The following ROBO1 variants were observed in gnomAD, a reference collection of about 807,000 sequenced individuals.
The protein encoded by ROBO1 is roundabout guidance receptor 1, also known as roundabout homolog 1.
A neutral mutation model predicts 195.9 loss-of-function variants in ROBO1; 149 were observed. The observed-to-expected ratio is 0.76, with a 90% confidence interval of 0.67 to 0.87. The LOEUF (loss-of-function observed/expected upper bound fraction) is 0.87. Ranked by LOEUF, ROBO1 falls within the 40% of genes least tolerant of loss-of-function variation. ROBO1 has a pLI of 0.00. For synonymous variants in ROBO1, 816 were observed against 733.2 expected, an observed-to-expected ratio of 1.11 and a Z score of -1.82; for missense variants, 1,933 against 2,068.3, an observed-to-expected ratio of 0.93 and a Z score of 1.27.
chr3:78,980,943 T>C (rs1473593231), intron 3 of ROBO1, among the ~76,000 whole-genome samples: 1 of 152,186 alleles, frequency 6.6e-6, no homozygotes. Flanking sequence ...TCCAAACTGT[T>C]GTTACATTCT....
At chr3:79,455,617 T>C (rs997345514) in intron 2 of ROBO1, among the ~76,000 whole-genome samples, 1 of 152,086 alleles carries the variant, frequency 6.6e-6, no homozygotes, top group African/African-American at 2.4e-5. Flanking sequence ...ATTTTGATTG[T>C]AGATACAGGG....
In ROBO1 at chr3:79,725,223, CTTTTT is replaced by C. The variant is rs35418345; in HGVS notation, c.-51+42524_-51+42528del. Among the ~76,000 whole-genome samples the C allele has an allele frequency of 4.9e-3, 527 of 106,510 alleles. 4 individuals carry two copies. Among genetic ancestry groups the C allele is most frequent in the African/African-American group, 0.018 (499 of 28,072 alleles). The allele number at this position is 106,510 out of a possible 152,430, so 69.9% of individuals were successfully genotyped here. A position where few individuals can be genotyped will look rare whatever the true frequency, so the allele number is the denominator to read the frequency against. ...CCTTATGAGAAACATCTCTCTTCTTCTTTTTTTTTTTTTTTTTTTTTGAGACGGAG... is the reference window on the plus strand; with the variant it reads ...CCTTATGAGAAACATCTCTCTTCTTCTTTTTTTTTTTTTTTTGAGACGGAG... On this transcript the variant is annotated intron_variant, in intron 1 of 30. Coordinates refer to ENST00000464233, the MANE Select transcript of ROBO1 (RefSeq NM_002941.4).
intron 1 of ROBO1, among the ~76,000 whole-genome samples, chr3:79,706,223 TA>T (rs1385586408): frequency 1.3e-5 from 2 of 152,158 alleles, no homozygotes; most frequent in Non-Finnish European, 2.9e-5. Context: ...ATCATTGCTT[TA>T]TTTCTGATCT....
chr3:78,725,829 T>C (rs768103084), intron 5 of ROBO1, among the ~76,000 whole-genome samples: 1 of 152,158 alleles, frequency 6.6e-6, no homozygotes, highest in South Asian at 2.1e-4. Flanking sequence ...CTGAAATCAG[T>C]GCTCACAATC....
intron 2 of ROBO1, among the ~76,000 whole-genome samples, chr3:79,470,708 T>C (rs1449534853): frequency 6.6e-6 from 1 of 151,952 alleles, no homozygotes; most frequent in East Asian, 1.9e-4. Flanking sequence ...GTTTTATAAG[T>C]GGTAAAAGAG....
At position 78,635,764 on chromosome 3, in the gene ROBO1, C is replaced by A. The variant is rs1377247229; in HGVS notation, c.3373+9G>T. On this transcript the variant is annotated intron_variant, in intron 23 of 30. Transcript: ENST00000464233. ...AGAAACAGATGGGAATACATGCAAG[C>A]CTCTTCACCTTTGTTCAGCTTGTTT... 1.9e-6 allele frequency: 3 copies of A among 1,610,936 alleles called. No homozygotes were observed. Among genetic ancestry groups the A allele is most frequent in the South Asian group, 1.1e-5 (1 of 90,926 alleles).
Position 78,651,838 on chromosome 3 carries a change from A to T in ROBO1, c.2706T>A (p.Gly902=), listed in dbSNP as rs756637350. ...DVVKQPAFIA[G]IGAACWIILM... is the part of the protein sequence containing the mutation. The stretch of plus-strand genomic sequence containing the variant: ...GGATGATCCAACAGGCTGCTCCAAT[A>T]CCTGCTATGAAGGCCGGCTGCTTCA... The change falls in exon 19 of 31, where the codon GGT becomes GGA. Residue 902 remains glycine, a synonymous_variant. Coordinates refer to ENST00000464233, the MANE Select transcript of ROBO1 (RefSeq NM_002941.4). The T allele has an allele frequency of 6.2e-6, 10 of 1,613,804 alleles. No homozygotes were observed. Among genetic ancestry groups the T allele is most frequent in the Non-Finnish European group, 7.6e-6 (9 of 1,179,754 alleles).
chr3:79,356,350 T>C (rs2035555071), intron 2 of ROBO1, among the ~76,000 whole-genome samples: 1 of 152,166 alleles, frequency 6.6e-6, no homozygotes, highest in South Asian at 2.1e-4. Context: ...AAATAAAAGA[T>C]TAAAATATTA....
chr3:79,196,481 A>G (rs1386074573), intron 2 of ROBO1, among the ~76,000 whole-genome samples: 1 of 151,678 alleles, frequency 6.6e-6, no homozygotes, highest in African/African-American at 2.4e-5. Flanking sequence ...CATTTTCACA[A>G]TCCAAATTAG....
intron 2 of ROBO1, among the ~76,000 whole-genome samples, chr3:79,505,224 T>C (rs1559949127): frequency 6.6e-6 from 1 of 152,160 alleles, no homozygotes; most frequent in South Asian, 2.1e-4. Context: ...TATTTTTTTT[T>C]TCTTAAATTG....
At chr3:78,884,421 G>C (rs2107289579) in intron 4 of ROBO1, among the ~76,000 whole-genome samples, 1 of 152,070 alleles carries the variant, frequency 6.6e-6, no homozygotes, top group East Asian at 1.9e-4. Context: ...AGACCAGACA[G>C]AGCAACATAG....
chr3:79,027,756 A>G (rs1209169284), intron 3 of ROBO1, among the ~76,000 whole-genome samples: 1 of 152,056 alleles, frequency 6.6e-6, no homozygotes, highest in Admixed American at 6.6e-5. Flanking sequence ...ATCTAATCTC[A>G]TCTTCTCAAT....
At position 79,018,569 on chromosome 3, in the gene ROBO1, A is replaced by G. The variant is rs538439709; in HGVS notation, c.173-79642T>C. 45 of 1,521,114 alleles carry G rather than the reference A, an allele frequency of 3.0e-5. No homozygotes were observed. The East Asian group carries it at 1.1e-3, about 37-fold the overall frequency. 94.2% of individuals were successfully genotyped at this position (1,521,114 alleles called of 1,614,324 possible). ...CCACACACAAAGGCTTAATATAAGC[A>G]ACGTGGGTCAATTAGCCAAGAGTTT... On this transcript the variant is annotated intron_variant, in intron 3 of 30. Transcript: ENST00000464233.
intron 1 of ROBO1, among the ~76,000 whole-genome samples, chr3:79,765,904 G>A (rs981419467): frequency 9.9e-5 from 15 of 151,992 alleles, no homozygotes; most frequent in African/African-American, 3.4e-4. Flanking sequence ...ACCACTACTT[G>A]GAAACAGACA....
chr3:79,699,493 T>C (rs566983276), intron 1 of ROBO1, among the ~76,000 whole-genome samples: 1 of 151,780 alleles, frequency 6.6e-6, no homozygotes, highest in South Asian at 2.1e-4. Context: ...TTTTTATAGA[T>C]AAAGCAACAT....
At chr3:79,363,265 C>A (rs1421509218) in intron 2 of ROBO1, among the ~76,000 whole-genome samples, 2 of 152,106 alleles carry the variant, frequency 1.3e-5, no homozygotes, top group Admixed American at 6.6e-5. Context: ...TGATTTCTTT[C>A]CTTGTCTGTG....
chr3:79,505,879 A>G (rs1940364694), intron 2 of ROBO1, among the ~76,000 whole-genome samples: 1 of 152,190 alleles, frequency 6.6e-6, no homozygotes, highest in Admixed American at 6.5e-5. Flanking sequence ...GCTTTGAATG[A>G]TGGGTATGAT....
At chr3:78,973,011 A>G (rs549673827) in intron 3 of ROBO1, among the ~76,000 whole-genome samples, 2 of 152,324 alleles carry the variant, frequency 1.3e-5, no homozygotes, top group South Asian at 4.1e-4. Flanking sequence ...CAGAGAAAAG[A>G]GAACCAGAGC....
chr3:78,884,841 ACTCT>A (rs139880326), intron 4 of ROBO1, among the ~76,000 whole-genome samples: 3,012 of 141,900 alleles, frequency 0.021, 47 homozygotes, highest in Middle Eastern at 0.043. Context: ...GAAGAAATAG[ACTCT>A]CTCTCTCTCT....
Sources: allele counts gnomAD v4.1 joint callset (sites outside exome capture counted in the v4.1 genomes callset), GRCh38; gene constraint gnomAD v4.1.1; transcripts MANE v1.5; gene names NCBI Gene and HGNC (gene_info 2026-07-23, HGNC 2026-07-21).